STARD9: variants seen among roughly 807,000 people sequenced by gnomAD.
STARD9 encodes the protein StAR related lipid transfer domain containing 9, also known as stAR-related lipid transfer protein 9.
Under a neutral mutation model 399.8 loss-of-function variants are expected in STARD9, and 346 were observed. The observed-to-expected ratio is 0.87, with a 90% CI of 0.79 to 0.95. STARD9 has a LOEUF of 0.95. STARD9 is among the 40% of genes least tolerant of loss of function. The pLI, the probability that STARD9 is intolerant of heterozygous loss-of-function variation, is 0.00. For synonymous variants in STARD9, 2,203 were observed against 2,143.5 expected, an observed-to-expected ratio of 1.03 and a Z score of -0.77; for missense variants, 5,832 against 5,667.5, an observed-to-expected ratio of 1.03 and a Z score of -0.93.
rs1471567037 is a variant in STARD9 at position 42,688,369 on chromosome 15, C to G, written c.6791C>G (p.Ser2264Cys). 6.5e-7 allele frequency: 1 copy of G among 1,536,786 alleles called. No individual in the cohort carries two copies. The highest frequency in any genetic ancestry group is 1.2e-5 in the South Asian group (1 of 83,494). ...CAAGTAGCTGAACACGTAAGTAGTT[C>G]CAACCAAGAAGAGCCAAAAGCTCAA... Reference protein sequence around the residue: ...ESQVAEHVSSSNQEEPKAQGK... With the variant: ...ESQVAEHVSSCNQEEPKAQGK... Residue 2264 changes from serine (S) to cysteine (C), a missense_variant, in exon 23 of 33, where the codon TCC becomes TGC. This residue lies in a region of STARD9 where 5,828 missense variants were observed against 5,651.1 expected (regional missense o/e 1.03). Transcript: ENST00000290607.
chr15:42,665,896 T>A (rs2140117885), intron 15 of STARD9, 48 bp downstream of exon 15: 2 of 1,474,720 alleles, frequency 1.4e-6, no homozygotes, highest in East Asian at 2.5e-5. Flanking sequence ...ACCTGGGAGC[T>A]CCTCCATTAT....
intron 3 of STARD9, among the ~76,000 whole-genome samples, chr15:42,596,849 G>A (rs1705360): frequency 0.78 from 117,987 of 152,182 alleles, 47,042 homozygotes; most frequent in Non-Finnish European, 0.88. Flanking sequence ...CAAAATATTC[G>A]AACAGTACAG....
chr15:42,583,470 AG>A (rs1355306099), intron 2 of STARD9, 55 bp downstream of exon 2: 2 of 1,293,500 alleles, frequency 1.5e-6, no homozygotes, highest in East Asian at 2.5e-5. Flanking sequence ...ATATTGTTAC[AG>A]GGGCTTCCAG....
At chr15:42,605,580 A>G (rs1413662256) in intron 3 of STARD9, among the ~76,000 whole-genome samples, 1 of 152,196 alleles carries the variant, frequency 6.6e-6, no homozygotes, top group African/African-American at 2.4e-5. Flanking sequence ...AGTGTGTTCA[A>G]ACTCACTTTT....
At chr15:42,665,498 A>G (rs963110988) in intron 14 of STARD9, among the ~76,000 whole-genome samples, 168 bp downstream of exon 14, 7 of 152,194 alleles carry the variant, frequency 4.6e-5, no homozygotes, top group African/African-American at 1.7e-4. Context: ...TTCTCAGTGT[A>G]GCTTCAGATG....
At chr15:42,603,222 G>A (rs2058665295) in intron 3 of STARD9, among the ~76,000 whole-genome samples, 1 of 152,178 alleles carries the variant, frequency 6.6e-6, no homozygotes, top group Middle Eastern at 3.4e-3. Context: ...TGCCTAGGCT[G>A]GAGTGCAGCC....
chr15:42,661,322 GA>G lies in STARD9; in HGVS notation c.770+98del, dbSNP rs2059989425. Reference sequence around the variant, plus strand: ...ATCTTTTTCACATTTCAGTCATCCTGAGAGTATTACAAAAGAAATAAGCTCT... The same window carrying G: ...ATCTTTTTCACATTTCAGTCATCCTGGAGTATTACAAAAGAAATAAGCTCT... On this transcript the variant is annotated intron_variant, in intron 10 of 32. Transcript: ENST00000290607. 21 of 881,360 alleles carry G rather than the reference GA, an allele frequency of 2.4e-5. No individual in the cohort carries two copies. The Middle Eastern group carries it at 1.1e-3, about 45-fold the overall frequency. The allele number at this position is 881,360 out of a possible 1,614,324, so 54.6% of individuals were successfully genotyped here.
At chr15:42,579,265 A>T (rs1329976597) in intron 1 of STARD9, among the ~76,000 whole-genome samples, 4 of 152,192 alleles carry the variant, frequency 2.6e-5, no homozygotes, top group African/African-American at 4.8e-5. Context: ...AACTCCAAAC[A>T]TGCACACCCA....
rs146015002 is a variant in STARD9 at position 42,637,689 on chromosome 15, A to G, written c.352-218A>G. On this transcript the variant is annotated intron_variant, in intron 4 of 32. Transcript: ENST00000290607. ...CCTCTTTTCCTTCTTATGGTGATAC[A>G]TATTCCTCTCATTTGGTACATTTCT... 2.4e-3 allele frequency among the ~76,000 whole-genome samples: 362 copies of G among 152,232 alleles called. 2 individuals are homozygous for G. Among genetic ancestry groups the G allele is most frequent in the African/African-American group, 7.8e-3 (325 of 41,528 alleles).
At chr15:42,594,327 G>A (rs368424655) in intron 3 of STARD9, among the ~76,000 whole-genome samples, 29 of 152,186 alleles carry the variant, frequency 1.9e-4, no homozygotes, top group African/African-American at 5.8e-4. Flanking sequence ...TTGATCCTGC[G>A]ATGGGAAGGC....
chr15:42,613,512 A>G (rs961227351), intron 3 of STARD9, among the ~76,000 whole-genome samples: 1 of 152,198 alleles, frequency 6.6e-6, no homozygotes, highest in African/African-American at 2.4e-5. Flanking sequence ...AAGTCCATTT[A>G]TATTTCTGTG....
intron 3 of STARD9, among the ~76,000 whole-genome samples, chr15:42,593,435 T>C (rs563366932): frequency 6.6e-6 from 1 of 152,268 alleles, no homozygotes; most frequent in South Asian, 2.1e-4. Flanking sequence ...ACAAAAATCA[T>C]GTCTATGAAC....
chr15:42,632,806 C>T (rs1228361027), intron 3 of STARD9, among the ~76,000 whole-genome samples: 1 of 152,100 alleles, frequency 6.6e-6, no homozygotes, highest in African/African-American at 2.4e-5. Context: ...TGTGCCACTG[C>T]ACTTCAGCCT....
intron 7 of STARD9, among the ~76,000 whole-genome samples, chr15:42,642,049 C>A (rs1566897265): frequency 6.6e-6 from 1 of 152,118 alleles, no homozygotes; most frequent in Non-Finnish European, 1.5e-5. Flanking sequence ...AAAATGTTTT[C>A]TTTCTTTATT....
At chr15:42,605,201 A>G (rs896561646) in intron 3 of STARD9, among the ~76,000 whole-genome samples, 2 of 152,192 alleles carry the variant, frequency 1.3e-5, no homozygotes, top group Admixed American at 1.3e-4. Flanking sequence ...TGAGGCTGCT[A>G]CTTAGCATAT....
At chr15:42,606,001 CA>C (rs2058715793) in intron 3 of STARD9, among the ~76,000 whole-genome samples, 1 of 152,134 alleles carries the variant, frequency 6.6e-6, no homozygotes, top group African/African-American at 2.4e-5. Flanking sequence ...GAAACATTCC[CA>C]TGGAGTTTAG....
chr15:42,712,090 T>TATA (rs1566966057), intron 26 of STARD9, among the ~76,000 whole-genome samples: 1 of 6,132 alleles, frequency 1.6e-4, no homozygotes, highest in African/African-American at 9.0e-4. Context: ...ATTATATATA[T>TATA]ATATATAATA....
intron 16 of STARD9, chr15:42,672,813 C>T (rs1027770611): frequency 6.6e-5 from 10 of 152,246 alleles, no homozygotes; most frequent in African/African-American, 2.4e-4. Flanking sequence ...AAAAACATTA[C>T]TGGGCCAGAT....
chr15:42,691,317 G>T lies in STARD9; in HGVS notation c.9739G>T (p.Ala3247Ser). 2.6e-6 allele frequency: 4 copies of T among 1,537,230 alleles called. No individual in the cohort carries two copies. The highest frequency in any genetic ancestry group is 3.5e-6 in the Non-Finnish European group (4 of 1,146,896). The change falls in exon 23 of 33, where the codon GCT becomes TCT. Residue 3247 changes from alanine to serine, a missense_variant. Physicochemically the swap from Ala to Ser is moderately conservative, Grantham distance 99 (BLOSUM62 1). Around this residue, in one of 2 missense-constraint regions of STARD9, gnomAD observed 5,828 missense variants for 5,651.1 expected, o/e 1.03. Transcript: ENST00000290607. ...DGLDGCQILD[A>S]GREEVAVAKP... ...CTTAGATGGCTGTCAGATTTTAGAT[G>T]CTGGGAGAGAGGAGGTGGCTGTGGC...
Sources: allele counts gnomAD v4.1 joint callset (sites outside exome capture counted in the v4.1 genomes callset), GRCh38; gene constraint gnomAD v4.1.1; regional missense constraint gnomAD v4.1.1; transcripts MANE v1.5; gene names NCBI Gene and HGNC (gene_info 2026-07-23, HGNC 2026-07-21).